Variants in PCDHGA9 observed in about 807,000 individuals in gnomAD.
PCDHGA9 encodes the protein protocadherin gamma-A9.
Under a neutral mutation model 62.5 loss-of-function variants are expected in PCDHGA9, and 37 were observed. The observed-to-expected ratio is 0.59, with a 90% CI of 0.46 to 0.78. The LOEUF (loss-of-function observed/expected upper bound fraction) is 0.78, where lower values mean the gene tolerates loss of function less well. Among genes scored for constraint, PCDHGA9 ranks in the 30% least tolerant of loss-of-function variants. PCDHGA9 has a pLI of 0.00. For missense variants in PCDHGA9, 1,138 were observed against 1,166.2 expected (o/e 0.98, Z 0.35); for synonymous variants, 459 against 484.6 (o/e 0.95, Z 0.69).
intron 1 of PCDHGA9, chr5:141,478,693 G>A: frequency 6.4e-7 from 1 of 1,550,764 alleles, no homozygotes; most frequent in Non-Finnish European, 8.7e-7. Context: ...CTAGATCAAA[G>A]TTAGTGCCTT....
intron 1 of PCDHGA9, among the ~76,000 whole-genome samples, chr5:141,450,816 T>C (rs960010807): frequency 7.9e-6 from 1 of 126,568 alleles, no homozygotes; most frequent in Non-Finnish European, 1.6e-5. Context: ...ATTTATTTAA[T>C]ATTATTATTA....
intron 1 of PCDHGA9, among the ~76,000 whole-genome samples, chr5:141,488,493 C>T (rs1594759823): frequency 6.6e-6 from 1 of 152,226 alleles, no homozygotes; most frequent in East Asian, 1.9e-4. Context: ...AAAACTGTAA[C>T]ACTCATTCCA....
chr5:141,421,307 T>C, intron 1 of PCDHGA9: 10 of 1,613,674 alleles, frequency 6.2e-6, no homozygotes, highest in Non-Finnish European at 8.5e-6. Context: ...CTGCGGGGGT[T>C]CCGGGCCAGG....
intron 1 of PCDHGA9, among the ~76,000 whole-genome samples, chr5:141,450,123 T>G (rs565568384): frequency 2.4e-4 from 36 of 150,874 alleles, no homozygotes; most frequent in Non-Finnish European, 4.7e-4. Context: ...TCTCCTGCCT[T>G]AGCCTCCTGA....
chr5:141,438,789 G>C (rs970735448), intron 1 of PCDHGA9, among the ~76,000 whole-genome samples: 23 of 149,578 alleles, frequency 1.5e-4, no homozygotes, highest in African/African-American at 5.4e-4. Flanking sequence ...AGCCTCTCCA[G>C]TAGCTGGGAT....
At position 141,487,550 on chromosome 5, in the gene PCDHGA9, G is replaced by A. The variant is rs762537798; in HGVS notation, c.2425-7257G>A. 1 of 1,614,160 alleles carries A rather than the reference G, an allele frequency of 6.2e-7. No individual in the cohort carries two copies. The highest frequency in any genetic ancestry group is 1.1e-5 in the South Asian group (1 of 91,082). ...CTTCATGATGGTGAAGTCACCCAGT[G>A]CACCTATGGCAGGGGAGCCTGTTCG... On this transcript the variant is annotated intron_variant, in intron 1 of 3. Transcript: ENST00000573521. The surrounding 1 kb of genome is among the most constrained non-coding windows in gnomAD (Gnocchi z 5.0).
rs1446853595 is a variant in PCDHGA9, at chr5:141,491,363, C to T, written c.2425-3444C>T. ...ACCGTCAGTCTCTTATCCCTAGTCA[C>T]CTTCACCTTTCTGTCAGCGAAGTGC... On this transcript the variant is annotated intron_variant, in intron 1 of 3. Coordinates refer to ENST00000573521, the MANE Select transcript of PCDHGA9 (RefSeq NM_018921.3). This position sits in a 1 kb window ranked among gnomAD's most constrained non-coding sequence, Gnocchi z 6.9. The T allele has an allele frequency of 6.2e-7, 1 of 1,614,182 alleles. No individual in the cohort carries two copies. Among genetic ancestry groups the T allele is most frequent in the South Asian group, 1.1e-5 (1 of 91,082 alleles).
chr5:141,414,799 G>A, intron 1 of PCDHGA9: 1 of 1,614,214 alleles, frequency 6.2e-7, no homozygotes, highest in Non-Finnish European at 8.5e-7. Context: ...CAGCGACAGC[G>A]GGGATCCTCC....
chr5:141,489,151 A>G lies in PCDHGA9; in HGVS notation c.2425-5656A>G. On this transcript the variant is annotated intron_variant, in intron 1 of 3. Transcript: ENST00000573521. This position sits in a 1 kb window ranked among gnomAD's most constrained non-coding sequence, Gnocchi z 4.5. ...TTTTTAAGAGGCTGGAAGGAGACAT[A>G]AGAGACTTCAGCTGCTGCATTCCAA... is the stretch of plus-strand genomic sequence containing the variant. The G allele has an allele frequency of 4.3e-6, 4 of 932,968 alleles. No individual in the cohort carries two copies. Among genetic ancestry groups the G allele is most frequent in the Non-Finnish European group, 6.4e-6 (4 of 622,052 alleles). 57.8% of individuals were successfully genotyped at this position (932,968 alleles called of 1,614,324 possible).
chr5:141,476,929 G>T lies in PCDHGA9; in HGVS notation c.2425-17878G>T, dbSNP rs1375082202. 6.2e-7 allele frequency: 1 copy of T among 1,614,136 alleles called. No homozygotes were observed. Among genetic ancestry groups the T allele is most frequent in the Admixed American group, 1.7e-5 (1 of 60,034 alleles). On this transcript the variant is annotated intron_variant, in intron 1 of 3. Transcript: ENST00000573521. This position sits in a 1 kb window ranked among gnomAD's most constrained non-coding sequence, Gnocchi z 7.6. ...TGGTACAAGTCCTTGCAACGGATCT[G>T]GATGAAGGCCCCAACGGTGAAATTA...
chr5:141,421,473 C>T (rs907282414), intron 1 of PCDHGA9: 10 of 1,613,994 alleles, frequency 6.2e-6, no homozygotes, highest in Middle Eastern at 1.6e-4. Context: ...ATCCGCGAAG[C>T]GGCAGCTTGA....
intron 1 of PCDHGA9, chr5:141,419,197 T>A (rs560134083): frequency 6.2e-7 from 1 of 1,613,966 alleles, no homozygotes; most frequent in East Asian, 2.2e-5. Flanking sequence ...CTGACGTCAA[T>A]GACAACGCGC....
Position 141,481,350 on chromosome 5 carries a change from T to C in PCDHGA9, c.2425-13457T>C, listed in dbSNP as rs901892475. Among the ~76,000 whole-genome samples, 4 of 152,248 alleles carry C rather than the reference T, an allele frequency of 2.6e-5. No homozygotes were observed. The South Asian group carries it at 8.3e-4, about 32-fold the overall frequency. On this transcript the variant is annotated intron_variant, in intron 1 of 3. Coordinates refer to ENST00000573521, the MANE Select transcript of PCDHGA9 (RefSeq NM_018921.3). The stretch of plus-strand genomic sequence containing the variant: ...CCTGGACAACTATTATTTAAACATC[T>C]ACAGCTGTTCAATAGATATTGGGTT...
In PCDHGA9 at chr5:141,431,771, C is replaced by G. The variant is rs1175712662; in HGVS notation, c.2424+26395C>G. 1.2e-6 allele frequency: 2 copies of G among 1,614,214 alleles called. No homozygotes were observed. Among genetic ancestry groups the G allele is most frequent in the Non-Finnish European group, 8.5e-7 (1 of 1,180,034 alleles). The stretch of plus-strand genomic sequence containing the variant: ...GCGAGCCAAAGTCCTGATCACTGTT[C>G]TGGACGTGAACGACAATGCCCCAGA... On this transcript the variant is annotated intron_variant, in intron 1 of 3. Coordinates refer to ENST00000573521, the MANE Select transcript of PCDHGA9 (RefSeq NM_018921.3). The surrounding 1 kb of genome is among the most constrained non-coding windows in gnomAD (Gnocchi z 4.8).
At position 141,419,726 on chromosome 5, in the gene PCDHGA9, A is replaced by AC. The variant is rs757890106; in HGVS notation, c.2424+14351dup. On this transcript the variant is annotated intron_variant, in intron 1 of 3. Coordinates refer to ENST00000573521, the MANE Select transcript of PCDHGA9 (RefSeq NM_018921.3). ...CGGGCTCTTCAGCCTGGGGCTGCGA[A>AC]CAGGCGAGGTGCGCATGGTGCGTGC... 3.1e-6 allele frequency: 5 copies of AC among 1,613,402 alleles called. No individual in the cohort carries two copies. The Admixed American group carries it at 8.3e-5, about 27-fold the overall frequency.
chr5:141,476,196 A>G lies in PCDHGA9; in HGVS notation c.2425-18611A>G, dbSNP rs2099386612. The G allele has an allele frequency of 6.2e-7, 1 of 1,613,852 alleles. No individual in the cohort carries two copies. Among genetic ancestry groups the G allele is most frequent in the South Asian group, 1.1e-5 (1 of 91,074 alleles). ...GTTTTGCTTCTGCTTGGTGCCTTGA[A>G]CAAGGCTTCCACGGTCATTCACTAT... On this transcript the variant is annotated intron_variant, in intron 1 of 3. Coordinates refer to ENST00000573521, the MANE Select transcript of PCDHGA9 (RefSeq NM_018921.3). This position sits in a 1 kb window ranked among gnomAD's most constrained non-coding sequence, Gnocchi z 7.6.
At chr5:141,509,169 T>C (rs1321257504) in intron 3 of PCDHGA9, among the ~76,000 whole-genome samples, 2 of 152,174 alleles carry the variant, frequency 1.3e-5, no homozygotes, top group African/African-American at 4.8e-5. Context: ...TGTGCCCTCC[T>C]CCTCTTATGC....
At chr5:141,426,021 A>G (rs1590662256) in intron 1 of PCDHGA9, among the ~76,000 whole-genome samples, 2 of 152,312 alleles carry the variant, frequency 1.3e-5, no homozygotes, top group East Asian at 3.9e-4. Context: ...AGTTTTCTAA[A>G]TAGACTCAGA....
At chr5:141,478,117 C>T (rs1419172538) in intron 1 of PCDHGA9, 2 of 1,614,058 alleles carry the variant, frequency 1.2e-6, no homozygotes, top group East Asian at 4.5e-5. Flanking sequence ...TGTCAGTAAC[C>T]GAGGACTCTC....
Sources: gnomAD v4.1 joint callset for allele counts (sites outside exome capture counted in the v4.1 genomes callset) on GRCh38, gnomAD v4.1.1 for gene constraint, Gnocchi (gnomAD v3.1) non-coding constraint, MANE v1.5 for transcripts, NCBI Gene and HGNC (gene_info 2026-07-23, HGNC 2026-07-21) for gene names.